The following IDE variants were observed in gnomAD, a reference collection of about 807,000 sequenced individuals.
IDE encodes the protein insulin-degrading enzyme.
IDE carries 58 observed loss-of-function variants against 133.2 expected under a neutral mutation model. The observed-to-expected ratio is 0.44, with a 90% CI of 0.35 to 0.54. The LOEUF (loss-of-function observed/expected upper bound fraction) is 0.54. Ranked by LOEUF, IDE falls within the 20% of genes least tolerant of loss-of-function variation. IDE has a pLI of 0.00. For synonymous variants in IDE, 396 were observed against 421.3 expected, an observed-to-expected ratio of 0.94 and a Z score of 0.73; for missense variants, 981 against 1,234.0, an observed-to-expected ratio of 0.79 and a Z score of 3.07.
intron 11 of IDE, among the ~76,000 whole-genome samples, chr10:92,493,393 CTTT>C (rs746219687): frequency 7.3e-6 from 1 of 137,616 alleles, no homozygotes. Flanking sequence ...CGCTTGATTT[CTTT>C]TTTTTTTTTT....
intron 11 of IDE, 32 bp downstream of exon 11, chr10:92,504,762 T>C: frequency 9.4e-7 from 1 of 1,061,448 alleles, no homozygotes; most frequent in African/African-American, 1.6e-5. Flanking sequence ...GAAAATTTAG[T>C]GTATAATAGT....
intron 1 of IDE, among the ~76,000 whole-genome samples, chr10:92,553,893 C>T (rs1175184286): frequency 1.3e-5 from 2 of 152,052 alleles, no homozygotes; most frequent in Non-Finnish European, 2.9e-5. Context: ...CTGAATTCTA[C>T]TAAATATTTA....
At chr10:92,478,818 T>A in intron 15 of IDE, 2 of 1,167,236 alleles carry the variant, frequency 1.7e-6, no homozygotes, top group South Asian at 3.4e-5. Context: ...AAAGAAATGC[T>A]TTGATACCTC....
At chr10:92,520,020 G>A (rs912196357) in intron 4 of IDE, among the ~76,000 whole-genome samples, 1 of 152,110 alleles carries the variant, frequency 6.6e-6, no homozygotes, top group Non-Finnish European at 1.5e-5. Flanking sequence ...CAGGAGAATC[G>A]CTTGAACCTG....
At chr10:92,510,936 CAAGAA>C (rs1031912662) in intron 5 of IDE, among the ~76,000 whole-genome samples, 23 of 150,744 alleles carry the variant, frequency 1.5e-4, no homozygotes, top group Non-Finnish European at 1.6e-4. Context: ...GGAAGTATAA[CAAGAA>C]ATGAGTTAGA....
At chr10:92,487,348 G>GT (rs1564615997) in intron 12 of IDE, 30 bp from the exon 13 acceptor site, 1 of 1,593,076 alleles carries the variant, frequency 6.3e-7, no homozygotes, top group Admixed American at 1.7e-5. Context: ...CACAAATGCA[G>GT]TAAGAGTCTG....
At chr10:92,496,468 G>A (rs1055468162) in intron 11 of IDE, among the ~76,000 whole-genome samples, 1 of 152,104 alleles carries the variant, frequency 6.6e-6, no homozygotes, top group African/African-American at 2.4e-5. Flanking sequence ...AGGAGTTGAA[G>A]ATAGGTGAAT....
intron 4 of IDE, among the ~76,000 whole-genome samples, chr10:92,519,514 G>GC (rs1381472201): frequency 6.6e-6 from 1 of 152,212 alleles, no homozygotes; most frequent in Non-Finnish European, 1.5e-5. Context: ...AGAGAACACT[G>GC]CCTTGGCATT....
intron 22 of IDE, among the ~76,000 whole-genome samples, chr10:92,459,980 C>T (rs1845278560): frequency 6.6e-6 from 1 of 151,928 alleles, no homozygotes; most frequent in Admixed American, 6.6e-5. Flanking sequence ...CAGGCACCCG[C>T]CACCATGCCC....
At chr10:92,560,595 C>T (rs961552606) in intron 1 of IDE, among the ~76,000 whole-genome samples, 48 of 151,802 alleles carry the variant, frequency 3.2e-4, no homozygotes, top group African/African-American at 1.1e-3. Flanking sequence ...CGAGCCTGTT[C>T]AACAAGGGGA....
intron 17 of IDE, among the ~76,000 whole-genome samples, chr10:92,471,342 C>T (rs186500626): frequency 5.3e-5 from 8 of 152,298 alleles, no homozygotes; most frequent in African/African-American, 1.9e-4. Context: ...ATGCAAATAA[C>T]AAGTGCTTAC....
intron 2 of IDE, 100 bp downstream of exon 2, chr10:92,537,266 G>GT: frequency 1.2e-6 from 1 of 858,924 alleles, no homozygotes; most frequent in Non-Finnish European, 1.8e-6. Flanking sequence ...CATGGAACCG[G>GT]TAACTATTGA....
chr10:92,537,691 C>G, intron 1 of IDE, 141 bp from the exon 2 acceptor site: 1 of 606,734 alleles, frequency 1.6e-6, no homozygotes, highest in South Asian at 2.1e-5. Flanking sequence ...CTACAGGGTG[C>G]AGTCATTCCT....
At chr10:92,556,705 C>A (rs2135785665) in intron 1 of IDE, among the ~76,000 whole-genome samples, 1 of 152,230 alleles carries the variant, frequency 6.6e-6, no homozygotes, top group African/African-American at 2.4e-5. Context: ...TTGCAGTGAG[C>A]TGAGATCGCG....
At chr10:92,508,063 C>G in intron 8 of IDE, 50 bp downstream of exon 8, 1 of 1,328,178 alleles carries the variant, frequency 7.5e-7, no homozygotes, top group African/African-American at 1.5e-5. Context: ...TAAAAAACAT[C>G]ATAGAAAGTA....
At chr10:92,526,728 C>T (rs10882077) in intron 4 of IDE, among the ~76,000 whole-genome samples, 1 of 150,862 alleles carries the variant, frequency 6.6e-6, no homozygotes, top group African/African-American at 2.4e-5. Context: ...TGCGTGTAGT[C>T]TCAGCTACTT....
chr10:92,530,502 G>C (rs879637700), intron 4 of IDE, among the ~76,000 whole-genome samples: 5 of 150,688 alleles, frequency 3.3e-5, no homozygotes, highest in Non-Finnish European at 5.9e-5. Context: ...GCCCAGGCTG[G>C]TCTCAAACTC....
rs571357981 is a variant in IDE, at chr10:92,506,469, A to G, written c.1299T>C (p.Tyr433=). 6.3e-6 allele frequency: 10 copies of G among 1,588,392 alleles called. No individual in the cohort carries two copies. The South Asian group carries it at 1.1e-4, about 18-fold the overall frequency. ...RFKDKERPRG[Y]TSKIAGILHY... ...GCAATATTCCTGCAATCTTAGATGT[A>G]TAGCCCCGTGGCCTCTCTTTGTCTT... The change falls in exon 10 of 25, where the codon TAT becomes TAC. Residue 433 remains tyrosine, a synonymous_variant. Transcript: ENST00000265986.
At chr10:92,524,847 G>A (rs991511873) in intron 4 of IDE, among the ~76,000 whole-genome samples, 6 of 151,814 alleles carry the variant, frequency 4.0e-5, no homozygotes, top group African/African-American at 1.2e-4. Flanking sequence ...GCTTGAACAC[G>A]GAAGTTGCAG....
Sources: allele counts gnomAD v4.1 joint callset (sites outside exome capture counted in the v4.1 genomes callset), GRCh38; gene constraint gnomAD v4.1.1; transcripts MANE v1.5; gene names NCBI Gene and HGNC (gene_info 2026-07-23, HGNC 2026-07-21).